Variants in ACSBG2 observed in about 807,000 individuals in gnomAD.
The protein encoded by ACSBG2 is acyl-CoA synthetase bubblegum family member 2.
In ACSBG2, 62 loss-of-function variants were observed where a neutral mutation model predicts 74.7. The observed-to-expected ratio is 0.83, with a 90% CI of 0.68 to 1.03. The LOEUF (loss-of-function observed/expected upper bound fraction) is 1.03, where lower values mean the gene tolerates loss of function less well. Among genes scored for constraint, ACSBG2 ranks in the 50% least tolerant of loss-of-function variants. The pLI is 0.00. For missense variants in ACSBG2, 730 were observed against 817.6 expected (o/e 0.89, Z 1.31); for synonymous variants, 309 against 294.1 (o/e 1.05, Z -0.52).
chr19:6,160,120 G>A (rs1166039310), intron 5 of ACSBG2, among the ~76,000 whole-genome samples: 8 of 152,140 alleles, frequency 5.3e-5, no homozygotes, highest in African/African-American at 1.9e-4. Flanking sequence ...GCCGGGCGTG[G>A]TGGCTCATGC....
intron 7 of ACSBG2, among the ~76,000 whole-genome samples, chr19:6,169,467 A>G (rs917896113): frequency 2.6e-5 from 4 of 152,188 alleles, no homozygotes; most frequent in Non-Finnish European, 5.9e-5. Flanking sequence ...TTGTACCAGT[A>G]CCATGCTGTT....
At chr19:6,144,656 C>G (rs2088963856) in intron 2 of ACSBG2, among the ~76,000 whole-genome samples, 1 of 152,062 alleles carries the variant, frequency 6.6e-6, no homozygotes, top group East Asian at 1.9e-4. Context: ...ATTAATATAT[C>G]AGTCATACCA....
At chr19:6,148,266 C>T (rs1399026603) in intron 3 of ACSBG2, 1 of 156,762 alleles carries the variant, frequency 6.4e-6, no homozygotes, top group Non-Finnish European at 1.4e-5. Context: ...GTCTCAGCTC[C>T]TCATTCCATG....
At chr19:6,141,227 G>T (rs2088818120) in intron 1 of ACSBG2, among the ~76,000 whole-genome samples, 1 of 152,122 alleles carries the variant, frequency 6.6e-6, no homozygotes, top group African/African-American at 2.4e-5. Context: ...CCCCTGGGAG[G>T]CTTCAAAATA....
Position 6,187,668 on chromosome 19 carries a change from G to T in ACSBG2, c.1750G>T (p.Gly584Cys), listed in dbSNP as rs1484953917. Reference protein sequence around the residue: ...LNFEAINFCRGLGSQASTVTE... With the variant: ...LNFEAINFCRCLGSQASTVTE... The stretch of plus-strand genomic sequence containing the variant: ...CTTCGAGGCCATCAACTTCTGTCGG[G>T]GTCTGGGCAGCCAGGCATCCACCGT... Residue 584 changes from glycine (G) to cysteine (C), a missense_variant, in exon 13 of 15, where the codon GGT (glycine) becomes TGT (cysteine). Gly to Cys is a radical substitution (Grantham distance 159, BLOSUM62 -3). Transcript: ENST00000588485. 3.7e-6 allele frequency: 6 copies of T among 1,614,060 alleles called. No individual in the cohort carries two copies. Among genetic ancestry groups the T allele is most frequent in the Non-Finnish European group, 4.2e-6 (5 of 1,180,030 alleles).
chr19:6,148,897 A>T (rs1370975738), intron 3 of ACSBG2, among the ~76,000 whole-genome samples: 1 of 152,124 alleles, frequency 6.6e-6, no homozygotes, highest in African/African-American at 2.4e-5. Flanking sequence ...TCAAGAGGTC[A>T]AGAGTTTGAG....
At chr19:6,154,402 A>AAGAGAGAG (rs547084046) in intron 4 of ACSBG2, among the ~76,000 whole-genome samples, 28,755 of 82,780 alleles carry the variant, frequency 0.35, 3,424 homozygotes, top group Non-Finnish European at 0.43. Flanking sequence ...CCGTCTCAAA[A>AAGAGAGAG]AGAGAGAGAG....
intron 14 of ACSBG2, 118 bp downstream of exon 14, chr19:6,190,810 C>A: frequency 1.9e-6 from 1 of 514,292 alleles, no homozygotes; most frequent in Non-Finnish European, 3.5e-6. Flanking sequence ...TACACACATA[C>A]ATACACACAC....
chr19:6,147,423 C>A (rs749549988), intron 2 of ACSBG2, 23 bp from the exon 3 acceptor site: 3 of 1,597,446 alleles, frequency 1.9e-6, no homozygotes, highest in Non-Finnish European at 2.6e-6. Context: ...CATTTGCCAC[C>A]CAACTCTGGT....
intron 10 of ACSBG2, among the ~76,000 whole-genome samples, chr19:6,184,868 A>C (rs1460949401): frequency 2.8e-5 from 4 of 141,590 alleles, no homozygotes; most frequent in East Asian, 4.0e-4. Context: ...AAAAAAAAAA[A>C]AAAACGAAAA....
At chr19:6,169,378 C>T (rs1167783949) in intron 7 of ACSBG2, among the ~76,000 whole-genome samples, 2 of 152,076 alleles carry the variant, frequency 1.3e-5, no homozygotes, top group Non-Finnish European at 2.9e-5. Flanking sequence ...TTTTTGTTGA[C>T]TTTGTCAAAA....
At chr19:6,173,937 A>ATTTT (rs56905660) in intron 7 of ACSBG2, among the ~76,000 whole-genome samples, 2,671 of 130,966 alleles carry the variant, frequency 0.02, 109 homozygotes, top group African/African-American at 0.071. Context: ...CTCTTGAACT[A>ATTTT]TTTTTTTTTT....
chr19:6,141,591 A>G lies in ACSBG2; in HGVS notation c.48A>G (p.Val16=), dbSNP rs762987593. ...KTQEGAKDLE[V]DMNKTEVTPR... is the part of the protein sequence containing the mutation. The stretch of plus-strand genomic sequence containing the variant: ...AAGAAGGAGCTAAAGATCTTGAAGT[A>G]GACATGAATAAAACAGAAGGTATAT... Residue 16 remains valine, a synonymous_variant, in exon 2 of 15, where the codon GTA becomes GTG. Transcript: ENST00000588485. 6.2e-7 allele frequency: 1 copy of G among 1,607,950 alleles called. No homozygotes were observed. Among genetic ancestry groups the G allele is most frequent in the East Asian group, 2.2e-5 (1 of 44,866 alleles).
At chr19:6,160,262 C>T (rs1302021328) in intron 5 of ACSBG2, among the ~76,000 whole-genome samples, 3 of 151,716 alleles carry the variant, frequency 2.0e-5, no homozygotes, top group East Asian at 1.9e-4. Flanking sequence ...TGGTGGCGGG[C>T]GCCTGTAGTC....
rs377566361 is a variant in ACSBG2, at chr19:6,150,103, T to TAATAA, written c.298-1582_298-1578dup. 1.6e-3 allele frequency among the ~76,000 whole-genome samples: 249 copies of TAATAA among 150,930 alleles called. 1 individual carries two copies. In the East Asian group the frequency reaches 0.023, roughly 14 times the overall value. On this transcript the variant is annotated intron_variant, in intron 3 of 14. Transcript: ENST00000588485. ...GACAGAGCGAGACAAAAAATAATAA[T>TAATAA]AATAAAATAAAATAAAATAAAATAA...
intron 5 of ACSBG2, among the ~76,000 whole-genome samples, chr19:6,158,726 C>T (rs760696799): frequency 2.0e-5 from 3 of 152,100 alleles, no homozygotes; most frequent in African/African-American, 4.8e-5. Context: ...ATGGCATTCT[C>T]TGATCACTAC....
At chr19:6,177,002 T>TA (rs1206396837) in intron 7 of ACSBG2, among the ~76,000 whole-genome samples, 2 of 150,466 alleles carry the variant, frequency 1.3e-5, no homozygotes, top group East Asian at 2.0e-4. Context: ...CAAAAAAAGT[T>TA]AAAAAAAAAT....
chr19:6,157,663 T>C (rs1306541175), intron 5 of ACSBG2, among the ~76,000 whole-genome samples: 1 of 151,760 alleles, frequency 6.6e-6, no homozygotes, highest in Non-Finnish European at 1.5e-5. Flanking sequence ...TTGATCTTCC[T>C]GCCTCAGCCT....
At chr19:6,165,727 A>T in intron 6 of ACSBG2, 139 bp from the exon 7 acceptor site, 2 of 990,816 alleles carry the variant, frequency 2.0e-6, no homozygotes, top group Non-Finnish European at 2.9e-6. Flanking sequence ...CTTTTGTAAG[A>T]GGTGCCAGGA....
Sources: allele counts gnomAD v4.1 joint callset (sites outside exome capture counted in the v4.1 genomes callset), GRCh38; gene constraint gnomAD v4.1.1; transcripts MANE v1.5; gene names NCBI Gene and HGNC (gene_info 2026-07-23, HGNC 2026-07-21).